BICC1: variants seen among roughly 807,000 people sequenced by gnomAD.
BICC1 encodes the protein BicC family RNA binding protein 1, also known as protein bicaudal C homolog 1.
Under a neutral mutation model 111.0 loss-of-function variants are expected in BICC1, and 43 were observed. The observed-to-expected ratio is 0.39, with a 90% CI of 0.30 to 0.50. The LOEUF (loss-of-function observed/expected upper bound fraction) is 0.50. Among genes scored for constraint, BICC1 ranks in the 20% least tolerant of loss-of-function variants. The pLI, the probability that BICC1 is intolerant of heterozygous loss-of-function variation, is 0.88. For missense variants in BICC1, 1,091 were observed against 1,203.2 expected (o/e 0.91, Z 1.38); for synonymous variants, 467 against 434.4 (o/e 1.07, Z -0.93).
At chr10:58,533,962 A>G (rs117766655) in intron 1 of BICC1, among the ~76,000 whole-genome samples, 3,016 of 151,924 alleles carry the variant, frequency 0.02, 83 homozygotes, top group African/African-American at 0.056. Flanking sequence ...TAAATTCCCC[A>G]GTCAAAAGAC....
At chr10:58,730,405 T>C (rs1317596979) in intron 3 of BICC1, among the ~76,000 whole-genome samples, 1 of 152,114 alleles carries the variant, frequency 6.6e-6, no homozygotes, top group Non-Finnish European at 1.5e-5. Flanking sequence ...TGGGCTGGCA[T>C]TGAGTGCCTG....
At chr10:58,756,407 G>C (rs1202288531) in intron 3 of BICC1, among the ~76,000 whole-genome samples, 1 of 152,114 alleles carries the variant, frequency 6.6e-6, no homozygotes. Context: ...CCTGGCCTTT[G>C]CCTCCCAAAG....
intron 1 of BICC1, among the ~76,000 whole-genome samples, chr10:58,540,364 G>A (rs1336119499): frequency 6.6e-6 from 1 of 151,398 alleles, no homozygotes; most frequent in Non-Finnish European, 1.5e-5. Flanking sequence ...AAAATCAACA[G>A]TTCCATATTT....
chr10:58,686,168 T>C (rs1839718538), intron 2 of BICC1, among the ~76,000 whole-genome samples: 1 of 152,214 alleles, frequency 6.6e-6, no homozygotes, highest in African/African-American at 2.4e-5. Context: ...AAAATTCTTT[T>C]CTTTAAGAAT....
chr10:58,820,530 C>T, intron 20 of BICC1, 62 bp downstream of exon 20: 2 of 1,259,410 alleles, frequency 1.6e-6, no homozygotes, highest in Non-Finnish European at 2.3e-6. Flanking sequence ...TGGTCTCAGC[C>T]ATTGGGTTGT....
chr10:58,732,030 C>A (rs545530652), intron 3 of BICC1, among the ~76,000 whole-genome samples: 200 of 152,240 alleles, frequency 1.3e-3, no homozygotes, highest in Admixed American at 4.2e-3. Flanking sequence ...CATTTGCATT[C>A]ATAACTTGGC....
chr10:58,772,685 C>T (rs764558549), intron 3 of BICC1, among the ~76,000 whole-genome samples: 1 of 152,106 alleles, frequency 6.6e-6, no homozygotes, highest in Non-Finnish European at 1.5e-5. Context: ...TGTACATAGT[C>T]TTTGGATGCA....
At chr10:58,680,063 A>G (rs924757846) in intron 2 of BICC1, among the ~76,000 whole-genome samples, 2 of 152,200 alleles carry the variant, frequency 1.3e-5, no homozygotes, top group Admixed American at 6.5e-5. Context: ...ATTTATGACA[A>G]ACCCACAGCC....
intron 3 of BICC1, among the ~76,000 whole-genome samples, chr10:58,723,354 G>A (rs1021810951): frequency 6.6e-6 from 1 of 152,194 alleles, no homozygotes; most frequent in African/African-American, 2.4e-5. Flanking sequence ...AGACACTGGG[G>A]AGTGTTCAGA....
chr10:58,700,716 G>T (rs1417600890), intron 2 of BICC1, among the ~76,000 whole-genome samples: 1 of 152,122 alleles, frequency 6.6e-6, no homozygotes, highest in East Asian at 1.9e-4. Context: ...ATGGCAAGTG[G>T]CCTTTGACCT....
intron 1 of BICC1, among the ~76,000 whole-genome samples, chr10:58,598,563 A>G (rs1044712804): frequency 4.6e-5 from 7 of 152,182 alleles, no homozygotes; most frequent in Non-Finnish European, 8.8e-5. Flanking sequence ...CCTAGAAGAA[A>G]ACCTGGGCAA....
At chr10:58,688,512 C>G (rs776894816) in intron 2 of BICC1, among the ~76,000 whole-genome samples, 1 of 152,118 alleles carries the variant, frequency 6.6e-6, no homozygotes, top group African/African-American at 2.4e-5. Context: ...CACCTCTCAC[C>G]GGCAATCTCA....
intron 3 of BICC1, among the ~76,000 whole-genome samples, chr10:58,737,345 G>A (rs868508532): frequency 2.0e-5 from 3 of 152,216 alleles, no homozygotes; most frequent in African/African-American, 7.2e-5. Flanking sequence ...GAGAACATGC[G>A]GTGTTTGGTT....
At position 58,761,232 on chromosome 10, in the gene BICC1, T is replaced by A; in HGVS notation, c.308-23769T>A. On this transcript the variant is annotated intron_variant, in intron 3 of 20. Coordinates refer to ENST00000373886, the MANE Select transcript of BICC1 (RefSeq NM_001080512.3). ...ATGATGCTAAGATACAGATGAAGGC[T>A]ACCCCACCTCTGTGCTAGCTGTCTA... 1.3e-5 allele frequency among the ~76,000 whole-genome samples: 2 copies of A among 152,186 alleles called. 1 individual carries two copies. The highest frequency in any genetic ancestry group is 2.9e-5 in the Non-Finnish European group (2 of 68,032).
intron 1 of BICC1, among the ~76,000 whole-genome samples, chr10:58,579,673 A>G (rs1312756219): frequency 1.3e-5 from 2 of 152,170 alleles, no homozygotes; most frequent in Non-Finnish European, 2.9e-5. Flanking sequence ...TTTTGAAGTA[A>G]TGGGAGTTTT....
intron 1 of BICC1, among the ~76,000 whole-genome samples, chr10:58,588,475 G>T (rs1844499475): frequency 6.6e-6 from 1 of 152,184 alleles, no homozygotes; most frequent in Admixed American, 6.5e-5. Flanking sequence ...TGTTAGAGCT[G>T]CTTCTGCATT....
chr10:58,705,614 A>G (rs1456086013), intron 3 of BICC1, among the ~76,000 whole-genome samples: 1 of 152,204 alleles, frequency 6.6e-6, no homozygotes, highest in Admixed American at 6.5e-5. Flanking sequence ...TAGGGGCAAA[A>G]GTAATAGAAA....
chr10:58,776,227 G>A (rs555695903), intron 3 of BICC1, among the ~76,000 whole-genome samples: 4 of 152,310 alleles, frequency 2.6e-5, no homozygotes, highest in Middle Eastern at 6.8e-3. Flanking sequence ...AGTCTAATGT[G>A]TGTGAACTCT....
intron 3 of BICC1, among the ~76,000 whole-genome samples, chr10:58,722,458 G>A: frequency 6.6e-6 from 1 of 152,216 alleles, no homozygotes; most frequent in South Asian, 2.1e-4. Flanking sequence ...AAATTTTGGA[G>A]AATCCATATA....
Sources: gnomAD v4.1 joint callset for allele counts (sites outside exome capture counted in the v4.1 genomes callset) on GRCh38, gnomAD v4.1.1 for gene constraint, MANE v1.5 for transcripts, NCBI Gene and HGNC (gene_info 2026-07-23, HGNC 2026-07-21) for gene names.